Variants in RPGRIP1 observed in about 807,000 individuals in gnomAD.
The protein encoded by RPGRIP1 is RPGR interacting protein 1, also known as X-linked retinitis pigmentosa GTPase regulator-interacting protein 1.
A neutral mutation model predicts 157.9 loss-of-function variants in RPGRIP1; 128 were observed. That is an observed-to-expected ratio of 0.81 (90% CI 0.70 to 0.94). The LOEUF is 0.94. Ranked by LOEUF, RPGRIP1 falls within the 40% of genes least tolerant of loss-of-function variation. The pLI is 0.00. For synonymous variants in RPGRIP1, 554 were observed against 571.6 expected (o/e 0.97, Z 0.44); for missense variants, 1,486 against 1,545.8 (o/e 0.96, Z 0.65).
Position 21,293,165 on chromosome 14 carries a change from C to T in RPGRIP1, c.86-1512C>T, listed in dbSNP as rs530783537. Among the ~76,000 whole-genome samples, 78 of 151,970 alleles carry T rather than the reference C, an allele frequency of 5.1e-4. 1 individual carries two copies. The highest frequency in any genetic ancestry group is 4.2e-3 in the South Asian group (20 of 4,816). On this transcript the variant is annotated intron_variant, in intron 2 of 24. Coordinates refer to ENST00000400017, the MANE Select transcript of RPGRIP1 (RefSeq NM_020366.4). ...CTGTCTCAATAAATAAGTAAATAAA[C>T]GCAAAAAAATAAAAAATATGGTTCC...
intron 18 of RPGRIP1, among the ~76,000 whole-genome samples, chr14:21,328,199 G>A (rs749435173): frequency 4.0e-5 from 6 of 151,872 alleles, no homozygotes; most frequent in Non-Finnish European, 5.9e-5. Flanking sequence ...AATTCCCTCT[G>A]TGAGTGTCAT....
At chr14:21,324,307 C>A in intron 14 of RPGRIP1, 1 of 414,270 alleles carries the variant, frequency 2.4e-6, no homozygotes, top group Non-Finnish European at 4.5e-6. Context: ...ATCATAGGGC[C>A]ACGATGTACA....
chr14:21,320,328 C>T (rs937643227), intron 12 of RPGRIP1, among the ~76,000 whole-genome samples, 151 bp downstream of exon 12: 4 of 151,408 alleles, frequency 2.6e-5, no homozygotes, highest in Non-Finnish European at 4.4e-5. Context: ...GTCTCGCTGT[C>T]GCCCAGGCTG....
intron 2 of RPGRIP1, among the ~76,000 whole-genome samples, chr14:21,289,187 G>A (rs1016652446): frequency 1.3e-5 from 2 of 152,038 alleles, no homozygotes; most frequent in Non-Finnish European, 2.9e-5. Context: ...AATTAGCTGG[G>A]CGTTGTGGCG....
At chr14:21,309,349 C>A (rs1245978581) in intron 7 of RPGRIP1, among the ~76,000 whole-genome samples, 1 of 151,750 alleles carries the variant, frequency 6.6e-6, no homozygotes, top group African/African-American at 2.4e-5. Flanking sequence ...CCATCTCTAT[C>A]AAAAATAGAA....
In RPGRIP1 at chr14:21,321,914, C is replaced by T. The variant is rs964225541; in HGVS notation, c.1672C>T (p.Leu558=). The change falls in exon 14 of 25, where the codon CTG becomes TTG. Residue 558 remains leucine, a synonymous_variant. Coordinates refer to ENST00000400017, the MANE Select transcript of RPGRIP1 (RefSeq NM_020366.4). The part of the protein sequence containing the change: ...DNDNRDHKEK[L]ERLTRLLDLK... ...TGATAATAGAGATCACAAAGAAAAG[C>T]TGGAGAGGTTGACTCGACTACTAGA... 5.6e-6 allele frequency: 9 copies of T among 1,613,310 alleles called. No homozygotes were observed. The African/African-American group carries it at 9.3e-5, about 17-fold the overall frequency.
chr14:21,306,320 A>G (rs1881303424), intron 6 of RPGRIP1, among the ~76,000 whole-genome samples: 1 of 150,236 alleles, frequency 6.7e-6, no homozygotes, highest in Admixed American at 6.7e-5. Flanking sequence ...TTTAGTAGAG[A>G]GGGGGTTTCA....
intron 2 of RPGRIP1, among the ~76,000 whole-genome samples, chr14:21,291,000 C>CA (rs34237756): frequency 0.26 from 23,066 of 90,008 alleles, 2,341 homozygotes; most frequent in East Asian, 0.37. Context: ...GACTCCATCT[C>CA]AAAAAAAAAA....
chr14:21,349,605 T>C (rs1251667856), intron 24 of RPGRIP1, among the ~76,000 whole-genome samples: 1 of 151,786 alleles, frequency 6.6e-6, no homozygotes, highest in African/African-American at 2.4e-5. Flanking sequence ...TTTCTTCATG[T>C]TGGTCAGGCT....
chr14:21,309,222 G>C (rs1881445969), intron 7 of RPGRIP1, among the ~76,000 whole-genome samples: 1 of 152,144 alleles, frequency 6.6e-6, no homozygotes, highest in African/African-American at 2.4e-5. Flanking sequence ...GATCAGAAAA[G>C]GATTAATGAC....
At chr14:21,288,910 A>G (rs1880408993) in intron 2 of RPGRIP1, among the ~76,000 whole-genome samples, 1 of 152,188 alleles carries the variant, frequency 6.6e-6, no homozygotes, top group South Asian at 2.1e-4. Flanking sequence ...GCCAAGAACA[A>G]CTAGTGGGTT....
At chr14:21,337,518 T>G (rs914841704) in intron 21 of RPGRIP1, among the ~76,000 whole-genome samples, 5 of 148,548 alleles carry the variant, frequency 3.4e-5, no homozygotes, top group African/African-American at 5.0e-5. Flanking sequence ...CTCGGCTTAC[T>G]GCAACCTCTG....
intron 17 of RPGRIP1, 141 bp from the exon 18 acceptor site, chr14:21,327,482 G>A (rs1031159126): frequency 3.5e-5 from 24 of 688,072 alleles, no homozygotes; most frequent in South Asian, 7.4e-5. Flanking sequence ...TATCATCATC[G>A]TAATTATTTA....
Position 21,330,406 on chromosome 14 carries a change from T to G in RPGRIP1, c.3238+19T>G. 2 of 1,460,794 alleles carry G rather than the reference T, an allele frequency of 1.4e-6. No homozygotes were observed. The highest frequency in any genetic ancestry group is 1.8e-6 in the Non-Finnish European group (2 of 1,107,754). The allele number at this position is 1,460,794 out of a possible 1,614,324, so 90.5% of individuals were successfully genotyped here. A position where few individuals can be genotyped will look rare whatever the true frequency, so the allele number is the denominator to read the frequency against. ...GTAAATGGTATTGTCTTTTAAAATC[T>G]ATTTTTTTTCCTAGCACTTTGGGAG... On this transcript the variant is annotated intron_variant, in intron 20 of 24. Coordinates refer to ENST00000400017, the MANE Select transcript of RPGRIP1 (RefSeq NM_020366.4).
chr14:21,280,241 C>CTTT (rs35642254), intron 1 of RPGRIP1, among the ~76,000 whole-genome samples, 82 bp downstream of exon 1: 40 of 109,364 alleles, frequency 3.7e-4, no homozygotes, highest in East Asian at 8.2e-4. Context: ...TAAGTTTATT[C>CTTT]TTTTTTTTTT....
At chr14:21,320,795 T>A (rs867009331) in intron 12 of RPGRIP1, among the ~76,000 whole-genome samples, 4 of 151,434 alleles carry the variant, frequency 2.6e-5, no homozygotes, top group Non-Finnish European at 4.4e-5. Context: ...GAGACAGGGT[T>A]TCGCCATTTT....
intron 3 of RPGRIP1, among the ~76,000 whole-genome samples, chr14:21,298,602 G>T (rs1057136523): frequency 4.6e-5 from 7 of 151,394 alleles, no homozygotes; most frequent in African/African-American, 1.7e-4. Flanking sequence ...GCAGTGTTTT[G>T]CTTTCTCATT....
At chr14:21,345,440 CG>C (rs1407251834) in intron 23 of RPGRIP1, among the ~76,000 whole-genome samples, 6 of 151,744 alleles carry the variant, frequency 4.0e-5, no homozygotes, top group Non-Finnish European at 7.4e-5. Context: ...CTCACTCTGT[CG>C]TCCAGGCTAG....
At position 21,310,448 on chromosome 14, in the gene RPGRIP1, A is replaced by G. The variant is rs923789130; in HGVS notation, c.907-136A>G. On this transcript the variant is annotated intron_variant, in intron 7 of 24. Coordinates refer to ENST00000400017, the MANE Select transcript of RPGRIP1 (RefSeq NM_020366.4). ...GGGCAGGGGAAAAATAGCAACAATT[A>G]GTAAACAAGTACACAAATTGATTTG... 3.1e-5 allele frequency: 17 copies of G among 544,878 alleles called. 2 individuals carry two copies. The South Asian group carries it at 4.6e-4, about 15-fold the overall frequency. 33.8% of individuals were successfully genotyped at this position (544,878 alleles called of 1,614,324 possible). A position where few individuals can be genotyped will look rare whatever the true frequency, so the allele number is the denominator to read the frequency against.
Sources: gnomAD v4.1 joint callset for allele counts (sites outside exome capture counted in the v4.1 genomes callset) on GRCh38, gnomAD v4.1.1 for gene constraint, MANE v1.5 for transcripts, NCBI Gene and HGNC (gene_info 2026-07-23, HGNC 2026-07-21) for gene names.